COL11A1: variants seen among roughly 807,000 people sequenced by gnomAD.
COL11A1 encodes collagen alpha-1(XI) chain.
Under a neutral mutation model 265.2 loss-of-function variants are expected in COL11A1, and 74 were observed. The ratio of observed to expected loss-of-function variants is 0.28; its 90% CI spans 0.23 to 0.34. The LOEUF (loss-of-function observed/expected upper bound fraction) is 0.34. Among genes scored for constraint, COL11A1 ranks in the 10% least tolerant of loss-of-function variants. The pLI is 1.00. For synonymous variants in COL11A1, 816 were observed against 727.6 expected, an observed-to-expected ratio of 1.12 and a Z score of -1.96; for missense variants, 2,165 against 2,263.6, an observed-to-expected ratio of 0.96 and a Z score of 0.88.
At chr1:102,997,193 T>G (rs1435115962) in intron 25 of COL11A1, 69 bp from the exon 26 acceptor site, 13 of 1,332,786 alleles carry the variant, frequency 9.8e-6, no homozygotes, top group Non-Finnish European at 1.4e-5. Flanking sequence ...ACGAAAGTAT[T>G]TCTTTTGTTA....
chr1:102,920,481 T>A, intron 48 of COL11A1, 117 bp from the exon 49 acceptor site: 2 of 860,476 alleles, frequency 2.3e-6, no homozygotes, highest in Admixed American at 3.9e-5. Flanking sequence ...TTCTTAGTCA[T>A]TTAAAGAATG....
intron 58 of COL11A1, among the ~76,000 whole-genome samples, chr1:102,889,767 G>A (rs898343511): frequency 5.3e-5 from 8 of 152,160 alleles, no homozygotes; most frequent in Admixed American, 5.2e-4. Context: ...CTTACTTTAA[G>A]TGAGGGCTTT....
rs568143038 is a variant in COL11A1 at position 102,941,719 on chromosome 1, T to A, written c.3277-1285A>T. Among the ~76,000 whole-genome samples, 3 of 152,312 alleles carry A rather than the reference T, an allele frequency of 2.0e-5. No homozygotes were observed. The South Asian group carries it at 6.2e-4, about 32-fold the overall frequency. On this transcript the variant is annotated intron_variant, in intron 42 of 66. Transcript: ENST00000370096. ...TGCCTTGTCCAAGGAAAGTCCCCAA[T>A]TCTAGCAGGTCTCTCTACTATAATC... is the stretch of plus-strand genomic sequence containing the variant.
chr1:102,916,762 G>A lies in COL11A1; in HGVS notation c.3763-1078C>T, dbSNP rs571106962. ...GAGTTTATTATAAGTAGTGTGATGT[G>A]TAAATTATTTCATCTCTCAAGATGA... On this transcript the variant is annotated intron_variant, in intron 49 of 66. Transcript: ENST00000370096. Among the ~76,000 whole-genome samples, 3 of 151,964 alleles carry A rather than the reference G, an allele frequency of 2.0e-5. No homozygotes were observed. In the South Asian group the frequency reaches 6.2e-4, roughly 32 times the overall value.
chr1:103,008,792 T>A (rs1354121487), intron 14 of COL11A1, among the ~76,000 whole-genome samples: 1 of 152,228 alleles, frequency 6.6e-6, no homozygotes, highest in Non-Finnish European at 1.5e-5. Flanking sequence ...GAAATTGTCT[T>A]TTGTGTGTGC....
chr1:103,015,885 C>A (rs1251213524), intron 11 of COL11A1, 143 bp from the exon 12 acceptor site: 2 of 568,188 alleles, frequency 3.5e-6, no homozygotes, highest in African/African-American at 1.9e-5. Flanking sequence ...AGTAAGTATA[C>A]CTAGACAGAA....
chr1:103,068,494 T>C (rs903502582), intron 4 of COL11A1, among the ~76,000 whole-genome samples: 1 of 151,580 alleles, frequency 6.6e-6, no homozygotes, highest in Non-Finnish European at 1.5e-5. Flanking sequence ...ACATCATACT[T>C]AATGCTGAAA....
intron 57 of COL11A1, among the ~76,000 whole-genome samples, chr1:102,891,765 C>A (rs1188961543): frequency 6.6e-6 from 1 of 151,288 alleles, no homozygotes; most frequent in Non-Finnish European, 1.5e-5. Flanking sequence ...CACCTGCTGT[C>A]CCAGCTACTT....
chr1:102,888,368 A>C (rs1651273831), intron 62 of COL11A1, among the ~76,000 whole-genome samples: 1 of 152,196 alleles, frequency 6.6e-6, no homozygotes, highest in Non-Finnish European at 1.5e-5. Context: ...ACTATAATAT[A>C]CAATTAAGGC....
At chr1:103,079,992 T>C (rs1672274709) in intron 2 of COL11A1, among the ~76,000 whole-genome samples, 2 of 151,934 alleles carry the variant, frequency 1.3e-5, no homozygotes, top group African/African-American at 4.8e-5. Context: ...TGTGTAAATG[T>C]ATTGTACTTT....
chr1:102,928,543 T>C (rs1035161476), intron 46 of COL11A1, among the ~76,000 whole-genome samples: 4 of 152,208 alleles, frequency 2.6e-5, no homozygotes, highest in Non-Finnish European at 5.9e-5. Flanking sequence ...CTGTTGTCAA[T>C]AGTGCTACAA....
intron 4 of COL11A1, among the ~76,000 whole-genome samples, chr1:103,035,357 G>A (rs1398996928): frequency 6.6e-6 from 1 of 151,974 alleles, no homozygotes; most frequent in African/African-American, 2.4e-5. Context: ...CATCTAGAAT[G>A]TCTCATTATC....
chr1:103,051,027 C>T (rs924066830), intron 4 of COL11A1, among the ~76,000 whole-genome samples: 4 of 152,200 alleles, frequency 2.6e-5, no homozygotes, highest in East Asian at 1.9e-4. Flanking sequence ...GGATGCCTCC[C>T]AGTTAGGCTA....
chr1:103,045,709 C>T (rs1011470348), intron 4 of COL11A1, among the ~76,000 whole-genome samples: 6 of 151,992 alleles, frequency 3.9e-5, no homozygotes, highest in African/African-American at 1.2e-4. Flanking sequence ...TATTGGTGTG[C>T]TGCACCCACT....
intron 30 of COL11A1, 150 bp from the exon 31 acceptor site, chr1:102,984,341 T>C (rs939126880): frequency 1.2e-5 from 7 of 581,452 alleles, no homozygotes; most frequent in Non-Finnish European, 2.1e-5. Flanking sequence ...CTTCATTATA[T>C]TTCTTCACGT....
At chr1:102,956,530 A>G (rs1232962867) in intron 41 of COL11A1, among the ~76,000 whole-genome samples, 1 of 152,102 alleles carries the variant, frequency 6.6e-6, no homozygotes, top group African/African-American at 2.4e-5. Flanking sequence ...TAGGTAAGCA[A>G]GGAAAACAGG....
intron 1 of COL11A1, among the ~76,000 whole-genome samples, chr1:103,106,659 A>G (rs1674715175): frequency 6.6e-6 from 1 of 152,218 alleles, no homozygotes; most frequent in East Asian, 1.9e-4. Context: ...TAATTAATCA[A>G]CATAATAACT....
rs373037017 is a variant in COL11A1, at chr1:103,101,914, C to A, written c.106+6159G>T. Among the ~76,000 whole-genome samples the A allele has an allele frequency of 1.2e-4, 18 of 152,170 alleles. No individual in the cohort carries two copies. The East Asian group carries it at 3.5e-3, about 29-fold the overall frequency. ...CTTTCTCCTAAATTAATAGCACTGTCTCTAATTCCATGCGCAGCAAGCAAA... is the reference window on the plus strand; with the variant it reads ...CTTTCTCCTAAATTAATAGCACTGTATCTAATTCCATGCGCAGCAAGCAAA... On this transcript the variant is annotated intron_variant, in intron 1 of 66. Transcript: ENST00000370096.
intron 49 of COL11A1, 83 bp from the exon 50 acceptor site, chr1:102,915,767 T>C: frequency 9.2e-7 from 1 of 1,081,234 alleles, no homozygotes; most frequent in South Asian, 1.4e-5. Context: ...CATATCATTT[T>C]AGATTAGCCC....
Sources: gnomAD v4.1 joint callset for allele counts (sites outside exome capture counted in the v4.1 genomes callset) on GRCh38, gnomAD v4.1.1 for gene constraint, MANE v1.5 for transcripts, NCBI Gene and HGNC (gene_info 2026-07-23, HGNC 2026-07-21) for gene names.